The following PRKAG2 variants were observed in gnomAD, a reference collection of about 807,000 sequenced individuals.
PRKAG2 encodes the protein protein kinase AMP-activated non-catalytic subunit gamma 2.
Under a neutral mutation model 69.6 loss-of-function variants are expected in PRKAG2, and 26 were observed. The observed-to-expected ratio is 0.37, with a 90% CI of 0.27 to 0.52. PRKAG2 has a LOEUF of 0.52. Ranked by LOEUF, PRKAG2 falls within the 20% of genes least tolerant of loss-of-function variation. The pLI is 0.90. For synonymous variants in PRKAG2, 293 were observed against 285.0 expected (o/e 1.03, Z -0.28); for missense variants, 557 against 740.0 (o/e 0.75, Z 2.87).
intron 1 of PRKAG2, among the ~76,000 whole-genome samples, chr7:151,856,019 C>T (rs1317506629): frequency 1.3e-5 from 2 of 152,236 alleles, no homozygotes; most frequent in African/African-American, 2.4e-5. Flanking sequence ...GTAAGTCCTA[C>T]ACACTCGCCA....
intron 5 of PRKAG2, among the ~76,000 whole-genome samples, chr7:151,596,770 A>G (rs115284007): frequency 0.035 from 5,372 of 152,066 alleles, 316 homozygotes; most frequent in African/African-American, 0.12. Flanking sequence ...AATAAAAAAA[A>G]AGAGGAAGAA....
chr7:151,694,908 A>G (rs929962741), intron 3 of PRKAG2, among the ~76,000 whole-genome samples: 12 of 152,308 alleles, frequency 7.9e-5, no homozygotes, highest in Middle Eastern at 3.4e-3. Flanking sequence ...TTTCCTGGGG[A>G]TGCCCCAGTC....
intron 3 of PRKAG2, among the ~76,000 whole-genome samples, chr7:151,730,739 C>T (rs1259941688): frequency 6.6e-6 from 1 of 152,118 alleles, no homozygotes; most frequent in Non-Finnish European, 1.5e-5. Context: ...AAGTGAAGAG[C>T]ACAAGATGGT....
In PRKAG2 at chr7:151,736,927, C is replaced by T. The variant is rs1465182141; in HGVS notation, c.466+44225G>A. Among the ~76,000 whole-genome samples the T allele has an allele frequency of 3.9e-5, 6 of 152,172 alleles. No homozygotes were observed. In the East Asian group the frequency reaches 9.6e-4, roughly 24 times the overall value. On this transcript the variant is annotated intron_variant, in intron 3 of 15. Transcript: ENST00000287878. ...GGAGGTGACTTCCCCAAGATCCTGT[C>T]GCCAATGGTAGAACCAGGACTGGAG... is the stretch of plus-strand genomic sequence containing the variant.
At chr7:151,712,719 C>G (rs1795525471) in intron 3 of PRKAG2, among the ~76,000 whole-genome samples, 1 of 152,218 alleles carries the variant, frequency 6.6e-6, no homozygotes, top group Non-Finnish European at 1.5e-5. Flanking sequence ...TAACCACATT[C>G]AGTCACCCGG....
chr7:151,697,719 G>C (rs753578718), intron 3 of PRKAG2, among the ~76,000 whole-genome samples: 1 of 152,098 alleles, frequency 6.6e-6, no homozygotes, highest in African/African-American at 2.4e-5. Flanking sequence ...GTGCAGGGAG[G>C]GGGTGTGGAC....
rs961817386 is a variant in PRKAG2, at chr7:151,835,622, CGTT to C, written c.114+40882_114+40884del. 1.3e-5 allele frequency among the ~76,000 whole-genome samples: 2 copies of C among 152,180 alleles called. No individual in the cohort carries two copies. Among genetic ancestry groups the C allele is most frequent in the African/African-American group, 2.4e-5 (1 of 41,446 alleles). On this transcript the variant is annotated intron_variant, in intron 1 of 15. Transcript: ENST00000287878. This position sits in a 1 kb window ranked among gnomAD's most constrained non-coding sequence, Gnocchi z 4.1. Reference sequence around the variant, plus strand: ...TAAGCTCGCCTTTAGGAACCACTCTCGTTGTGGTTTTAAATTGTCATCACTTGC... The same window carrying C: ...TAAGCTCGCCTTTAGGAACCACTCTCGTGGTTTTAAATTGTCATCACTTGC...
intron 1 of PRKAG2, among the ~76,000 whole-genome samples, chr7:151,819,708 C>T (rs989076951): frequency 6.6e-6 from 1 of 151,750 alleles, no homozygotes; most frequent in African/African-American, 2.4e-5. Context: ...TTCTGACCAC[C>T]TGAAGGTCTT....
chr7:151,830,847 CAT>C (rs1337151852), intron 1 of PRKAG2, among the ~76,000 whole-genome samples: 1 of 151,782 alleles, frequency 6.6e-6, no homozygotes, highest in Non-Finnish European at 1.5e-5. Context: ...TTATTCTACA[CAT>C]GTTGTGCTCT....
rs531091033 is a variant in PRKAG2 at position 151,847,822 on chromosome 7, G to A, written c.114+28685C>T. Reference sequence around the variant, plus strand: ...AGGCCACCCTGTGAGGTTGGCGCCCGGAAGCATCCGTTTAGGCAGGTGAAG... The same window carrying A: ...AGGCCACCCTGTGAGGTTGGCGCCCAGAAGCATCCGTTTAGGCAGGTGAAG... On this transcript the variant is annotated intron_variant, in intron 1 of 15. Transcript: ENST00000287878. Among the ~76,000 whole-genome samples, 175 of 152,236 alleles carry A rather than the reference G, an allele frequency of 1.1e-3. 1 individual carries two copies. The highest frequency in any genetic ancestry group is 2.0e-3 in the Non-Finnish European group (133 of 68,034).
At chr7:151,603,288 C>T (rs1816641254) in intron 5 of PRKAG2, among the ~76,000 whole-genome samples, 1 of 21,126 alleles carries the variant, frequency 4.7e-5, no homozygotes, top group Non-Finnish European at 8.0e-5. Flanking sequence ...CCGTCCTCAC[C>T]GCACACGGAG....
intron 1 of PRKAG2, among the ~76,000 whole-genome samples, chr7:151,808,697 A>C (rs1029430188): frequency 9.2e-5 from 14 of 151,702 alleles, no homozygotes; most frequent in African/African-American, 3.4e-4. Context: ...GAAGGTGAAC[A>C]GGAGAAAAAA....
intron 1 of PRKAG2, among the ~76,000 whole-genome samples, chr7:151,819,138 C>A (rs935036975): frequency 5.9e-5 from 9 of 152,176 alleles, no homozygotes; most frequent in African/African-American, 2.2e-4. Flanking sequence ...GGCCCGCAGC[C>A]CACCCAGCCC....
At chr7:151,703,901 C>CAT (rs1838162469) in intron 3 of PRKAG2, among the ~76,000 whole-genome samples, 2 of 132,110 alleles carry the variant, frequency 1.5e-5, no homozygotes, top group African/African-American at 6.0e-5. Context: ...CACACACACA[C>CAT]ACACACACAA....
chr7:151,698,797 G>T (rs1057466903), intron 3 of PRKAG2, among the ~76,000 whole-genome samples: 2 of 152,174 alleles, frequency 1.3e-5, no homozygotes, highest in Non-Finnish European at 1.5e-5. Flanking sequence ...CCTGACCCTT[G>T]TCACCAGCTC....
chr7:151,670,982 T>A (rs975012430), intron 4 of PRKAG2, among the ~76,000 whole-genome samples: 5 of 152,164 alleles, frequency 3.3e-5, no homozygotes, highest in Non-Finnish European at 7.3e-5. Flanking sequence ...AAGACCAGCC[T>A]GGCCAACATG....
chr7:151,794,599 A>T (rs2077408579), intron 1 of PRKAG2, among the ~76,000 whole-genome samples: 1 of 152,202 alleles, frequency 6.6e-6, no homozygotes, highest in Admixed American at 6.5e-5. Context: ...CAGGGCAGCC[A>T]GGCCCCTCAT....
chr7:151,769,947 C>A (rs2075939161), intron 3 of PRKAG2, among the ~76,000 whole-genome samples: 2 of 152,184 alleles, frequency 1.3e-5, no homozygotes, highest in Admixed American at 1.3e-4. Flanking sequence ...AAGCCCCTAA[C>A]CAACTGAAAG....
At chr7:151,657,277 T>G (rs922433321) in intron 4 of PRKAG2, among the ~76,000 whole-genome samples, 2 of 152,140 alleles carry the variant, frequency 1.3e-5, no homozygotes, top group African/African-American at 4.8e-5. Flanking sequence ...GAAGAAGACA[T>G]AGGTTGGGCT....
Sources: allele counts gnomAD v4.1 joint callset (sites outside exome capture counted in the v4.1 genomes callset), GRCh38; gene constraint gnomAD v4.1.1; non-coding constraint Gnocchi (gnomAD v3.1); transcripts MANE v1.5; gene names NCBI Gene and HGNC (gene_info 2026-07-23, HGNC 2026-07-21).